The following VDAC1 variants were observed in gnomAD, a reference collection of about 807,000 sequenced individuals.
The protein encoded by VDAC1 is non-selective voltage-gated ion channel VDAC1.
In VDAC1, 10 loss-of-function variants were observed where a neutral mutation model predicts 34.7. The ratio of observed to expected loss-of-function variants is 0.29; its 90% confidence interval spans 0.18 to 0.49. The LOEUF (loss-of-function observed/expected upper bound fraction) is 0.49, where lower values mean the gene tolerates loss of function less well. VDAC1 is among the 20% of genes least tolerant of loss of function. The probability of loss-of-function intolerance (pLI) is 0.99; values close to 1 mark genes in which losing one functional copy is unlikely to be tolerated. For synonymous variants in VDAC1, 130 were observed against 136.0 expected (o/e 0.96, Z 0.30); for missense variants, 230 against 347.9 (o/e 0.66, Z 2.69).
the VDAC1 span, among the ~76,000 whole-genome samples, chr5:134,106,511 G>A: frequency 4.6e-5 from 7 of 151,078 alleles, no homozygotes; most frequent in African/African-American, 1.5e-4. Flanking sequence ...GAGTTCAAGC[G>A]ATTCTCCTGC....
At chr5:134,099,511 G>A in the VDAC1 span, among the ~76,000 whole-genome samples, 6 of 152,144 alleles carry the variant, frequency 3.9e-5, 1 homozygote, top group South Asian at 4.1e-4. Flanking sequence ...TCACGTCTGG[G>A]GAGTCATAAT....
the VDAC1 span, among the ~76,000 whole-genome samples, chr5:134,078,887 A>T: frequency 6.6e-6 from 1 of 151,594 alleles, no homozygotes; most frequent in Non-Finnish European, 1.5e-5. Flanking sequence ...CTGACCTCAG[A>T]TGATTTGCCC....
the VDAC1 span, among the ~76,000 whole-genome samples, chr5:134,109,324 A>C: frequency 6.6e-6 from 1 of 152,056 alleles, no homozygotes; most frequent in Non-Finnish European, 1.5e-5. Context: ...GCCACATAGG[A>C]TTTAGTGCAG....
At chr5:134,013,526 AACAG>A in the VDAC1 span, among the ~76,000 whole-genome samples, 2 of 152,222 alleles carry the variant, frequency 1.3e-5, no homozygotes, top group African/African-American at 2.4e-5. Context: ...CAACAGAGTA[AACAG>A]ACAGCCTGCA....
the VDAC1 span, among the ~76,000 whole-genome samples, chr5:134,028,617 T>G: frequency 6.6e-6 from 1 of 152,172 alleles, no homozygotes; most frequent in East Asian, 1.9e-4. Context: ...GCTCACTAAT[T>G]CCTCTGGCCT....
chr5:133,974,917 T>C (rs1428047836), intron 7 of VDAC1, among the ~76,000 whole-genome samples: 4 of 150,848 alleles, frequency 2.7e-5, no homozygotes, highest in Admixed American at 1.3e-4. Context: ...ATCGTGCCAT[T>C]GCACTCCAGC....
At chr5:134,012,817 G>T in the VDAC1 span, among the ~76,000 whole-genome samples, 1 of 151,972 alleles carries the variant, frequency 6.6e-6, no homozygotes, top group Non-Finnish European at 1.5e-5. Flanking sequence ...AGAATTGGAG[G>T]CATCACATTA....
At chr5:134,066,645 C>T in the VDAC1 span, among the ~76,000 whole-genome samples, 1 of 152,130 alleles carries the variant, frequency 6.6e-6, no homozygotes, top group Non-Finnish European at 1.5e-5. Context: ...ACAAAATTAT[C>T]GGGGGCCCAG....
the VDAC1 span, among the ~76,000 whole-genome samples, chr5:134,073,619 G>A: frequency 6.6e-6 from 1 of 152,172 alleles, no homozygotes; most frequent in Non-Finnish European, 1.5e-5. Flanking sequence ...TTGTCATGGT[G>A]ACAATCTGGA....
chr5:133,976,608 A>T (rs529692291), intron 6 of VDAC1, among the ~76,000 whole-genome samples: 21 of 151,980 alleles, frequency 1.4e-4, no homozygotes, highest in Non-Finnish European at 2.4e-4. Flanking sequence ...TGAGCCCAGG[A>T]TATAGCTTGG....
chr5:134,024,616 A>G, the VDAC1 span, among the ~76,000 whole-genome samples: 1 of 150,998 alleles, frequency 6.6e-6, no homozygotes, highest in Non-Finnish European at 1.5e-5. Flanking sequence ...AAAAAAAAAG[A>G]GTAAATAAAT....
chr5:134,087,804 T>C, the VDAC1 span, among the ~76,000 whole-genome samples: 111,870 of 150,766 alleles, frequency 0.74, 42,862 homozygotes, highest in Non-Finnish European at 0.86. Flanking sequence ...TGCAGTGAGC[T>C]GAGATCGCGC....
upstream of VDAC1, among the ~76,000 whole-genome samples, chr5:134,009,094 T>A (rs1167230911): frequency 6.6e-6 from 1 of 152,048 alleles, no homozygotes; most frequent in Non-Finnish European, 1.5e-5. Context: ...TCCCAAAACA[T>A]GAGGTGTCCT....
At chr5:134,113,123 C>A in the VDAC1 span, among the ~76,000 whole-genome samples, 3 of 152,222 alleles carry the variant, frequency 2.0e-5, no homozygotes, top group African/African-American at 4.8e-5. Flanking sequence ...CCGAGCCCCC[C>A]CTTCCCCGCC....
chr5:134,034,707 A>T, the VDAC1 span, among the ~76,000 whole-genome samples: 17 of 152,104 alleles, frequency 1.1e-4, 1 homozygote, highest in Admixed American at 1.1e-3. Flanking sequence ...ACACTAATGC[A>T]AGGTGCATGC....
the VDAC1 span, among the ~76,000 whole-genome samples, chr5:134,047,516 G>A: frequency 6.6e-6 from 1 of 152,226 alleles, no homozygotes; most frequent in Admixed American, 6.5e-5. Flanking sequence ...CCAGACCCCA[G>A]GGACTCCATT....
At chr5:134,106,103 C>G in the VDAC1 span, among the ~76,000 whole-genome samples, 1 of 152,214 alleles carries the variant, frequency 6.6e-6, no homozygotes, top group African/African-American at 2.4e-5. Context: ...AGCCCCGGTC[C>G]TGGAGACAGA....
chr5:134,041,875 C>G, the VDAC1 span, among the ~76,000 whole-genome samples: 1 of 152,206 alleles, frequency 6.6e-6, no homozygotes, highest in Non-Finnish European at 1.5e-5. Context: ...ACCCCACACT[C>G]CCTGGCTGGC....
chr5:134,032,860 T>C, the VDAC1 span, among the ~76,000 whole-genome samples: 1 of 152,126 alleles, frequency 6.6e-6, no homozygotes, highest in African/African-American at 2.4e-5. Flanking sequence ...AGTGAGACTC[T>C]TTCTCTACAA....
Sources: allele counts gnomAD v4.1 joint callset (sites outside exome capture counted in the v4.1 genomes callset), GRCh38; gene constraint gnomAD v4.1.1; transcripts MANE v1.5; gene names NCBI Gene and HGNC (gene_info 2026-07-23, HGNC 2026-07-21).